The following CCDC152 variants were observed in gnomAD, a reference collection of about 807,000 sequenced individuals.
CCDC152 encodes coiled-coil domain containing 152, also known as coiled-coil domain-containing protein 152.
In CCDC152, 37 loss-of-function variants were observed where a neutral mutation model predicts 38.1. That is an observed-to-expected ratio of 0.97 (90% CI 0.75 to 1.28). The LOEUF (loss-of-function observed/expected upper bound fraction) is 1.28, where lower values mean the gene tolerates loss of function less well. Among genes scored for constraint, CCDC152 ranks in the 50% most tolerant of loss-of-function variants. CCDC152 has a pLI of 0.00. For synonymous variants in CCDC152, 83 were observed against 87.1 expected (o/e 0.95, Z 0.26); for missense variants, 259 against 292.1 (o/e 0.89, Z 0.83).
intron 4 of CCDC152, among the ~76,000 whole-genome samples, chr5:42,774,881 A>T (rs1428672342): frequency 1.3e-5 from 2 of 152,204 alleles, no homozygotes; most frequent in Admixed American, 1.3e-4. Flanking sequence ...TAAAGGCTCT[A>T]AACAGTGTAA....
intron 6 of CCDC152, among the ~76,000 whole-genome samples, chr5:42,786,088 C>T (rs1759917835): frequency 6.6e-6 from 1 of 151,910 alleles, no homozygotes; most frequent in East Asian, 1.9e-4. Context: ...TTTACTGGGT[C>T]CTTGCCAGAT....
chr5:42,790,537 C>A (rs936011661), intron 6 of CCDC152, among the ~76,000 whole-genome samples: 2 of 152,018 alleles, frequency 1.3e-5, no homozygotes, highest in African/African-American at 4.8e-5. Flanking sequence ...GAAACAGATG[C>A]CAAGACAGGA....
At chr5:42,778,996 C>T (rs1269765334) in intron 4 of CCDC152, among the ~76,000 whole-genome samples, 3 of 152,116 alleles carry the variant, frequency 2.0e-5, no homozygotes, top group Non-Finnish European at 2.9e-5. Context: ...CAATACCGTA[C>T]GTGAATTGTA....
At position 42,800,527 on chromosome 5, in the gene CCDC152, A is replaced by G; in HGVS notation, c.*746A>G. The G allele has an allele frequency of 1.6e-6, 1 of 615,182 alleles. No homozygotes were observed. The highest frequency in any genetic ancestry group is 2.8e-5 in the South Asian group (1 of 35,836). 38.1% of individuals were successfully genotyped at this position (615,182 alleles called of 1,614,324 possible). On this transcript the variant is annotated 3_prime_UTR_variant, in exon 9 of 9. Transcript: ENST00000361970. ...GCTGCAATCACCTTTCAGTTGCTCC[A>G]TCATAAAAAATATGGTTTGAGTCAA...
chr5:42,763,618 G>A (rs1044777994), intron 3 of CCDC152, among the ~76,000 whole-genome samples: 2 of 152,096 alleles, frequency 1.3e-5, no homozygotes, highest in Non-Finnish European at 2.9e-5. Context: ...AATAAAGATG[G>A]CAATTCTGTG....
chr5:42,759,276 G>T (rs1759519403), intron 2 of CCDC152, 68 bp downstream of exon 2: 1 of 915,796 alleles, frequency 1.1e-6, no homozygotes, highest in Non-Finnish European at 1.6e-6. Flanking sequence ...AAGGGAAGAA[G>T]TTGGGAAGAA....
intron 6 of CCDC152, among the ~76,000 whole-genome samples, chr5:42,788,227 T>A (rs992579387): frequency 1.4e-4 from 22 of 151,958 alleles, no homozygotes; most frequent in African/African-American, 5.3e-4. Flanking sequence ...GGCATTTTTT[T>A]TTTTCTTTAA....
intron 6 of CCDC152, among the ~76,000 whole-genome samples, chr5:42,789,262 T>G (rs1198640377): frequency 6.6e-6 from 1 of 152,236 alleles, no homozygotes; most frequent in Non-Finnish European, 1.5e-5. Flanking sequence ...CTTCATTTTC[T>G]GCACTTTGGC....
intron 6 of CCDC152, among the ~76,000 whole-genome samples, chr5:42,789,849 C>T (rs549431485): frequency 4.2e-4 from 64 of 152,092 alleles, no homozygotes; most frequent in African/African-American, 1.5e-3. Flanking sequence ...TAATAAGTTA[C>T]ATATAAAACC....
At chr5:42,789,484 C>T (rs1190727553) in intron 6 of CCDC152, among the ~76,000 whole-genome samples, 1 of 152,180 alleles carries the variant, frequency 6.6e-6, no homozygotes, top group Non-Finnish European at 1.5e-5. Context: ...AGGCATGAGC[C>T]ACTGCACCTA....
At position 42,759,150 on chromosome 5, in the gene CCDC152, A is replaced by C; in HGVS notation, c.29A>C (p.Lys10Thr). 1 of 1,551,182 alleles carries C rather than the reference A, an allele frequency of 6.4e-7. No individual in the cohort carries two copies. Among genetic ancestry groups the C allele is most frequent in the South Asian group, 1.2e-5 (1 of 83,938 alleles). MDQSSEGCM[K>T]KISSVNLDKL... is the part of the protein sequence containing the mutation. Reference sequence around the variant, plus strand: ...GACCAAAGCAGTGAAGGATGTATGAAAAAGATTAGCAGTGTGAATCTTGAC... The same window carrying C: ...GACCAAAGCAGTGAAGGATGTATGACAAAGATTAGCAGTGTGAATCTTGAC... Residue 10 changes from lysine to threonine, a missense_variant, in exon 2 of 9, where the codon AAA becomes ACA. Coordinates refer to ENST00000361970, the MANE Select transcript of CCDC152 (RefSeq NM_001134848.2).
intron 4 of CCDC152, 112 bp downstream of exon 4, chr5:42,769,777 G>A: frequency 2.4e-6 from 3 of 1,228,850 alleles, no homozygotes; most frequent in South Asian, 1.8e-5. Flanking sequence ...AGCTAAAAGA[G>A]GACTCCTTAC....
intron 3 of CCDC152, among the ~76,000 whole-genome samples, chr5:42,763,918 ACAAT>A (rs989367089): frequency 6.6e-6 from 1 of 152,234 alleles, no homozygotes; most frequent in Admixed American, 6.5e-5. Flanking sequence ...GCATATAGAA[ACAAT>A]CAAAGAAAGG....
intron 6 of CCDC152, among the ~76,000 whole-genome samples, chr5:42,786,108 A>G (rs1227625996): frequency 6.6e-6 from 1 of 152,046 alleles, no homozygotes; most frequent in South Asian, 2.1e-4. Context: ...TTTTGGTATC[A>G]GCATGATACT....
At chr5:42,789,376 C>T (rs1300535252) in intron 6 of CCDC152, among the ~76,000 whole-genome samples, 1 of 152,154 alleles carries the variant, frequency 6.6e-6, no homozygotes, top group Non-Finnish European at 1.5e-5. Context: ...GAAGAACTAG[C>T]ATCCAACATT....
intron 6 of CCDC152, among the ~76,000 whole-genome samples, chr5:42,795,879 G>T (rs1760067646): frequency 6.6e-6 from 1 of 151,600 alleles, no homozygotes; most frequent in Non-Finnish European, 1.5e-5. Context: ...AGAAAATGTG[G>T]CACATATACA....
intron 5 of CCDC152, among the ~76,000 whole-genome samples, chr5:42,782,889 CAG>C (rs1277562760): frequency 6.6e-6 from 1 of 150,986 alleles, no homozygotes; most frequent in African/African-American, 2.4e-5. Flanking sequence ...TTTTTTGAGA[CAG>C]AGTCTCGCTC....
chr5:42,786,264 G>T (rs1387532788), intron 6 of CCDC152, among the ~76,000 whole-genome samples: 1 of 151,776 alleles, frequency 6.6e-6, no homozygotes, highest in Non-Finnish European at 1.5e-5. Context: ...TGTTGTTGTT[G>T]TTGTTGTTGG....
chr5:42,795,080 T>G (rs1760056607), intron 6 of CCDC152, among the ~76,000 whole-genome samples: 2 of 152,166 alleles, frequency 1.3e-5, no homozygotes, highest in Admixed American at 1.3e-4. Context: ...ATGCATTAAG[T>G]TAAACTTGAA....
Sources: gnomAD v4.1 joint callset for allele counts (sites outside exome capture counted in the v4.1 genomes callset) on GRCh38, gnomAD v4.1.1 for gene constraint, MANE v1.5 for transcripts, NCBI Gene and HGNC (gene_info 2026-07-23, HGNC 2026-07-21) for gene names.